ATM: variants seen among roughly 807,000 people sequenced by gnomAD.
ATM encodes ATM serine/threonine kinase.
Under a neutral mutation model 387.0 loss-of-function variants are expected in ATM, and 308 were observed. The ratio of observed to expected loss-of-function variants is 0.80; its 90% CI spans 0.73 to 0.87. The LOEUF (loss-of-function observed/expected upper bound fraction) is 0.87, where lower values mean the gene tolerates loss of function less well. Ranked by LOEUF, ATM falls within the 40% of genes least tolerant of loss-of-function variation. The probability of loss-of-function intolerance (pLI) is 0.00; values close to 1 mark genes in which losing one functional copy is unlikely to be tolerated. For synonymous variants in ATM, 1,156 were observed against 1,187.3 expected (o/e 0.97, Z 0.54); for missense variants, 3,312 against 3,560.9 (o/e 0.93, Z 1.78).
chr11:108,241,881 ACCACAGACACAAGCCATCACACCC>A, intron 5 of ATM, among the ~76,000 whole-genome samples: 1 of 149,668 alleles, frequency 6.7e-6, no homozygotes, highest in East Asian at 2.0e-4. Context: ...AGTAGCTGTG[ACCACAGACACAAGCCATCACACCC>A]TGCTAATTTT....
chr11:108,259,379 C>G (rs569294506), intron 16 of ATM, among the ~76,000 whole-genome samples: 2 of 152,256 alleles, frequency 1.3e-5, no homozygotes, highest in East Asian at 3.9e-4. Flanking sequence ...GTCCCAGCTA[C>G]TCGGGAGGCT....
intron 20 of ATM, 114 bp from the exon 21 acceptor site, chr11:108,272,414 CAAAT>C (rs749303418): frequency 3.5e-6 from 3 of 867,860 alleles, no homozygotes; most frequent in Non-Finnish European, 5.6e-6. Flanking sequence ...CACATAATGA[CAAAT>C]AAGTTTAGCA....
intron 57 of ATM, among the ~76,000 whole-genome samples, chr11:108,344,156 A>G (rs1050764296): frequency 6.6e-6 from 1 of 152,184 alleles, no homozygotes; most frequent in Non-Finnish European, 1.5e-5. Flanking sequence ...AAAATGTGTG[A>G]TAAGTGCTAT....
At chr11:108,356,380 G>C (rs923056932) in intron 61 of ATM, among the ~76,000 whole-genome samples, 2 of 151,760 alleles carry the variant, frequency 1.3e-5, no homozygotes, top group Non-Finnish European at 2.9e-5. Flanking sequence ...TAATAAAAAT[G>C]CAAAAATTAG....
chr11:108,330,132 T>A (rs2086099024), intron 49 of ATM, 82 bp from the exon 50 acceptor site: 1 of 1,466,870 alleles, frequency 6.8e-7, no homozygotes, highest in African/African-American at 1.4e-5. Context: ...CTTTTTTCAT[T>A]AAATGTTGTA....
chr11:108,300,826 A>C (rs2083388181), intron 34 of ATM, among the ~76,000 whole-genome samples: 1 of 149,586 alleles, frequency 6.7e-6, no homozygotes, highest in African/African-American at 2.5e-5. Flanking sequence ...TTGCTTAATC[A>C]CTTCTAGCCA....
intron 42 of ATM, 49 bp downstream of exon 42, chr11:108,316,162 G>C: frequency 6.7e-7 from 1 of 1,491,958 alleles, no homozygotes; most frequent in Non-Finnish European, 9.3e-7. Flanking sequence ...GTAGTGCTGA[G>C]GTTATTTCAG....
At chr11:108,331,004 G>A (rs1213141712) in intron 50 of ATM, among the ~76,000 whole-genome samples, 1 of 152,122 alleles carries the variant, frequency 6.6e-6, no homozygotes, top group Non-Finnish European at 1.5e-5. Flanking sequence ...TGTTTCTCCT[G>A]CAGGAAAATA....
chr11:108,341,564 A>C (rs1217909383), intron 56 of ATM, among the ~76,000 whole-genome samples: 1 of 152,158 alleles, frequency 6.6e-6, no homozygotes, highest in Non-Finnish European at 1.5e-5. Flanking sequence ...ATGCTTCCTT[A>C]AGACACAAAA....
intron 16 of ATM, among the ~76,000 whole-genome samples, chr11:108,260,773 G>A (rs1351413373): frequency 3.3e-5 from 5 of 152,216 alleles, no homozygotes; most frequent in African/African-American, 1.2e-4. Context: ...GCGCAGGTCA[G>A]TGGGTGTGCG....
intron 38 of ATM, 101 bp from the exon 39 acceptor site, chr11:108,310,059 T>G: frequency 7.9e-7 from 1 of 1,268,160 alleles, no homozygotes; most frequent in Admixed American, 2.2e-5. Context: ...TTTGTAATTT[T>G]CTGTTAAGCA....
rs2086677473 is a variant in ATM at position 108,335,026 on chromosome 11, T to G, written c.8068T>G (p.Phe2690Val). Residue 2690 changes from phenylalanine to valine, a missense_variant, in exon 55 of 63, where the codon TTT (phenylalanine) becomes GTT (valine). By Grantham distance (50) the Phe-to-Val change is conservative (BLOSUM62 -1). This residue lies in a region of ATM where 1,405 missense variants were observed against 1,604.4 expected (regional missense o/e 0.88). Coordinates refer to ENST00000675843, the MANE Select transcript of ATM (RefSeq NM_000051.4). ...GACTATACAGTCATTTAAAGCAGAA[T>G]TTCGCTTAGCAGGAGGTGTAAATTT... The part of the protein sequence containing the change: ...LVTIQSFKAE[F>V]RLAGGVNLPK... The G allele has an allele frequency of 6.2e-7, 1 of 1,614,050 alleles. No homozygotes were observed. The highest frequency in any genetic ancestry group is 8.5e-7 in the Non-Finnish European group (1 of 1,179,912).
intron 20 of ATM, 70 bp downstream of exon 20, chr11:108,271,476 C>A (rs2081581573): frequency 6.5e-7 from 1 of 1,544,722 alleles, no homozygotes; most frequent in Non-Finnish European, 8.9e-7. Context: ...AGTTTTGTAT[C>A]CACATCAGTG....
chr11:108,351,466 C>T (rs2089192619), intron 59 of ATM, among the ~76,000 whole-genome samples: 1 of 152,228 alleles, frequency 6.6e-6, no homozygotes, highest in Non-Finnish European at 1.5e-5. Context: ...TATTATCTCT[C>T]ATAGTCTGTT....
chr11:108,361,820 C>T (rs879006502), intron 61 of ATM, among the ~76,000 whole-genome samples: 3 of 152,196 alleles, frequency 2.0e-5, no homozygotes, highest in African/African-American at 4.8e-5. Flanking sequence ...AAGACTTAAA[C>T]GTTAGACCTA....
At chr11:108,297,783 A>G (rs2083206031) in intron 33 of ATM, among the ~76,000 whole-genome samples, 1 of 152,198 alleles carries the variant, frequency 6.6e-6, no homozygotes, top group Non-Finnish European at 1.5e-5. Context: ...GCTAAGTTAC[A>G]TGCCTATTTA....
intron 5 of ATM, among the ~76,000 whole-genome samples, chr11:108,240,965 C>T (rs945586460): frequency 1.3e-5 from 2 of 152,120 alleles, no homozygotes; most frequent in African/African-American, 2.4e-5. Flanking sequence ...CATTGTACAG[C>T]TGTACAAAAA....
intron 34 of ATM, among the ~76,000 whole-genome samples, chr11:108,300,565 G>C (rs778665870): frequency 1.3e-5 from 2 of 152,000 alleles, no homozygotes; most frequent in Non-Finnish European, 2.9e-5. Context: ...ATTTTTTTCT[G>C]TACTTCCCTT....
At chr11:108,254,417 T>G (rs926075308) in intron 13 of ATM, among the ~76,000 whole-genome samples, 1 of 152,204 alleles carries the variant, frequency 6.6e-6, no homozygotes, top group Non-Finnish European at 1.5e-5. Flanking sequence ...TGGTGGCATC[T>G]GAAGAGAGAT....
Sources: gnomAD v4.1 joint callset for allele counts (sites outside exome capture counted in the v4.1 genomes callset) on GRCh38, gnomAD v4.1.1 for gene constraint, gnomAD v4.1.1 regional missense constraint, MANE v1.5 for transcripts, NCBI Gene and HGNC (gene_info 2026-07-23, HGNC 2026-07-21) for gene names.